SHTN1: variants seen among roughly 807,000 people sequenced by gnomAD.
SHTN1 encodes shootin-1.
SHTN1 carries 42 observed loss-of-function variants against 83.1 expected under a neutral mutation model. The ratio of observed to expected loss-of-function variants is 0.51; its 90% CI spans 0.39 to 0.65. The LOEUF is 0.65. Among genes scored for constraint, SHTN1 ranks in the 30% least tolerant of loss-of-function variants. The probability of loss-of-function intolerance (pLI) is 0.00; values close to 1 mark genes in which losing one functional copy is unlikely to be tolerated. For synonymous variants in SHTN1, 224 were observed against 247.7 expected (o/e 0.90, Z 0.90); for missense variants, 622 against 737.8 (o/e 0.84, Z 1.82).
chr10:116,920,143 T>C (rs932566145), intron 12 of SHTN1, among the ~76,000 whole-genome samples: 2 of 152,156 alleles, frequency 1.3e-5, no homozygotes, highest in African/African-American at 4.8e-5. Flanking sequence ...GGTAATGAGC[T>C]ACTCATTACC....
chr10:116,909,143 A>G (rs1350916803), intron 14 of SHTN1, among the ~76,000 whole-genome samples: 1 of 152,210 alleles, frequency 6.6e-6, no homozygotes, highest in Non-Finnish European at 1.5e-5. Context: ...AGTGAGCCTC[A>G]GGGTCTGGGG....
In SHTN1 at chr10:117,030,704, C is replaced by T. The variant is rs531374074; in HGVS notation, c.-123+17741G>A. On this transcript the variant is annotated intron_variant, in intron 2 of 17. Transcript: ENST00000392901. ...AGCAGAAATCCTAGACTGAAAAATA[C>T]AATTGGCATTCTGAAGAATGCATCA... 1.3e-4 allele frequency among the ~76,000 whole-genome samples: 19 copies of T among 151,786 alleles called. No homozygotes were observed. In the South Asian group the frequency reaches 3.8e-3, roughly 30 times the overall value.
intron 2 of SHTN1, among the ~76,000 whole-genome samples, chr10:117,037,919 T>C (rs1852523674): frequency 9.7e-4 from 1 of 1,028 alleles, no homozygotes; most frequent in Non-Finnish European, 3.8e-3. Flanking sequence ...GGCAGGATAA[T>C]TGTTTGAACT....
At chr10:117,100,380 CCA>C (rs1348820540) in intron 1 of SHTN1, among the ~76,000 whole-genome samples, 4 of 152,082 alleles carry the variant, frequency 2.6e-5, no homozygotes, top group African/African-American at 9.7e-5. Context: ...GACTTATGGC[CCA>C]CACAGCCTAA....
At chr10:116,988,554 TTTTA>T (rs940661736) in intron 1 of SHTN1, among the ~76,000 whole-genome samples, 43 of 150,556 alleles carry the variant, frequency 2.9e-4, no homozygotes, top group Admixed American at 2.7e-3. Flanking sequence ...TATTTATTTA[TTTTA>T]TTATTTTTGA....
At chr10:117,088,742 T>C (rs543796045) in intron 1 of SHTN1, among the ~76,000 whole-genome samples, 2 of 152,330 alleles carry the variant, frequency 1.3e-5, no homozygotes, top group African/African-American at 4.8e-5. Context: ...TGCTTGGCAT[T>C]GCTACTTGTG....
rs538629614 is a variant in SHTN1 at position 116,929,797 on chromosome 10, G to A, written c.1012+52C>T. ...ATATGCCAGGTTTTGTACTAGGCATGAGTAATTCAAAGATTAATAGTAAGA... is the reference window on the plus strand; with the variant it reads ...ATATGCCAGGTTTTGTACTAGGCATAAGTAATTCAAAGATTAATAGTAAGA... On this transcript the variant is annotated intron_variant, in intron 10 of 16. Transcript: ENST00000355371. 1,279 of 1,290,072 alleles carry A rather than the reference G, an allele frequency of 9.9e-4. 27 individuals are homozygous for A. In the South Asian group the frequency reaches 0.019, roughly 19 times the overall value. The allele number at this position is 1,290,072 out of a possible 1,614,324, so 79.9% of individuals were successfully genotyped here.
At chr10:116,916,875 T>C (rs186443612) in intron 12 of SHTN1, among the ~76,000 whole-genome samples, 25 of 152,368 alleles carry the variant, frequency 1.6e-4, no homozygotes, top group East Asian at 1.2e-3. Flanking sequence ...TCAGAAGCCA[T>C]TGAAATGCTG....
In SHTN1 at chr10:116,920,021, A is replaced by G. The variant is rs557207657; in HGVS notation, c.1195+1413T>C. 7.4e-4 allele frequency among the ~76,000 whole-genome samples: 112 copies of G among 152,322 alleles called. 2 individuals carry two copies. The South Asian group carries it at 0.022, about 30-fold the overall frequency. On this transcript the variant is annotated intron_variant, in intron 12 of 16. Coordinates refer to ENST00000355371, the MANE Select transcript of SHTN1 (RefSeq NM_001127211.3). ...CCCTCAAAGAGCTTGCAATCTGCTC[A>G]GGGGGAGAGAGGTGGAAATAACTCA...
chr10:116,963,035 GTTTTTTTTTTTTTTTTTTTTTTTT>G (rs71013628), intron 3 of SHTN1, among the ~76,000 whole-genome samples: 574 of 45,190 alleles, frequency 0.013, 33 homozygotes, highest in African/African-American at 0.036. Context: ...AATAATAAAA[GTTTTTTTTTTTTTTTTTTTTTTTT>G]TTTTTTTTTT....
chr10:117,095,114 G>A lies in SHTN1; in HGVS notation c.-189+31193C>T, dbSNP rs763440219. On this transcript the variant is annotated intron_variant, in intron 1 of 17. Transcript: ENST00000392901. Reference sequence around the variant, plus strand: ...CAATCTCTTGGCGAATATCAAAGCCGTGAGGAAATTAGAACAGACCAGCTC... The same window carrying A: ...CAATCTCTTGGCGAATATCAAAGCCATGAGGAAATTAGAACAGACCAGCTC... 1.6e-4 allele frequency among the ~76,000 whole-genome samples: 25 copies of A among 152,284 alleles called. 3 individuals carry two copies. The highest frequency in any genetic ancestry group is 1.3e-3 in the Admixed American group (20 of 15,290).
intron 1 of SHTN1, among the ~76,000 whole-genome samples, chr10:117,051,025 A>G (rs1280503451): frequency 3.3e-5 from 5 of 152,186 alleles, no homozygotes; most frequent in Admixed American, 3.3e-4. Context: ...CTCCTGCACT[A>G]CAGTCTGGGT....
At chr10:116,995,235 T>C (rs779204423) in intron 1 of SHTN1, among the ~76,000 whole-genome samples, 1 of 152,120 alleles carries the variant, frequency 6.6e-6, no homozygotes, top group African/African-American at 2.4e-5. Context: ...CAAGGAGGTA[T>C]ATGGGAAGAA....
chr10:117,033,770 A>G (rs1702451169), intron 2 of SHTN1, among the ~76,000 whole-genome samples: 1 of 152,200 alleles, frequency 6.6e-6, no homozygotes, highest in Admixed American at 6.5e-5. Flanking sequence ...ATTGATAAAA[A>G]ATCCTCAACA....
chr10:116,985,171 G>A (rs1034494402), intron 1 of SHTN1, among the ~76,000 whole-genome samples: 3 of 152,074 alleles, frequency 2.0e-5, no homozygotes, highest in East Asian at 1.9e-4. Flanking sequence ...CTTCCTACCC[G>A]ATTCACTGCT....
At chr10:116,916,687 T>TCC (rs1007439029) in intron 12 of SHTN1, among the ~76,000 whole-genome samples, 28 of 152,284 alleles carry the variant, frequency 1.8e-4, no homozygotes, top group African/African-American at 6.3e-4. Flanking sequence ...AAGGCTAGAC[T>TCC]CCATTCCAAC....
chr10:117,063,214 T>A (rs1046925819), intron 1 of SHTN1, among the ~76,000 whole-genome samples: 2 of 152,194 alleles, frequency 1.3e-5, no homozygotes, highest in African/African-American at 4.8e-5. Flanking sequence ...GTAAACTACA[T>A]TTCCTGTTAG....
At chr10:117,024,593 C>T (rs1219859545) in intron 2 of SHTN1, among the ~76,000 whole-genome samples, 1 of 151,984 alleles carries the variant, frequency 6.6e-6, no homozygotes, top group East Asian at 1.9e-4. Flanking sequence ...CTCCTGACCT[C>T]GTGATCCGCC....
At chr10:116,964,569 A>G (rs566315998) in intron 3 of SHTN1, among the ~76,000 whole-genome samples, 59 of 152,386 alleles carry the variant, frequency 3.9e-4, no homozygotes, top group African/African-American at 1.2e-3. Flanking sequence ...TTCTTCTTCA[A>G]CATCACACTA....
Sources: allele counts gnomAD v4.1 joint callset (sites outside exome capture counted in the v4.1 genomes callset), GRCh38; gene constraint gnomAD v4.1.1; transcripts MANE v1.5; gene names NCBI Gene and HGNC (gene_info 2026-07-23, HGNC 2026-07-21).